Variants in PRKCH observed in about 807,000 individuals in gnomAD.
The protein encoded by PRKCH is protein kinase C eta type.
In PRKCH, 28 loss-of-function variants were observed where a neutral mutation model predicts 82.5. The observed-to-expected ratio is 0.34, with a 90% CI of 0.25 to 0.47. The LOEUF is 0.47. Ranked by LOEUF, PRKCH falls within the 20% of genes least tolerant of loss-of-function variation. The pLI is 1.00. For missense variants in PRKCH, 705 were observed against 881.8 expected (o/e 0.80, Z 2.54); for synonymous variants, 322 against 327.4 (o/e 0.98, Z 0.18).
chr14:61,453,334 G>A lies in PRKCH; in HGVS notation c.941G>A (p.Gly314Glu). Residue 314 changes from glycine to glutamate, a missense_variant, in exon 7 of 14, where the codon GGA (glycine) becomes GAA (glutamate). Transcript: ENST00000332981. Reference sequence around the variant, plus strand: ...CTGGCAGGGATGGGTCTCCAACCCGGAAATATTTCTCCAACCTCGGTGAGA... The same window carrying A: ...CTGGCAGGGATGGGTCTCCAACCCGAAAATATTTCTCCAACCTCGGTGAGA... Reference protein sequence around the residue: ...KTLAGMGLQPGNISPTSKLVS... With the variant: ...KTLAGMGLQPENISPTSKLVS... 6.2e-7 allele frequency: 1 copy of A among 1,613,256 alleles called. No homozygotes were observed. The highest frequency in any genetic ancestry group is 1.1e-5 in the South Asian group (1 of 90,922).
At chr14:61,247,875 G>A (rs1449522620) in intron 1 of PRKCH, among the ~76,000 whole-genome samples, 2 of 151,986 alleles carry the variant, frequency 1.3e-5, no homozygotes. Context: ...GAAGACAACA[G>A]TAGAGATCAT....
intron 10 of PRKCH, among the ~76,000 whole-genome samples, chr14:61,489,763 C>CT (rs1886380820): frequency 1.3e-5 from 2 of 152,182 alleles, no homozygotes; most frequent in African/African-American, 4.8e-5. Context: ...ATGGTGTTGA[C>CT]TTTTTTCCGG....
chr14:61,449,318 C>G, intron 5 of PRKCH, 66 bp downstream of exon 5: 4 of 1,332,968 alleles, frequency 3.0e-6, no homozygotes, highest in Non-Finnish European at 4.3e-6. Context: ...ACCGCCGTCT[C>G]TCTCCCTCCC....
chr14:61,276,986 C>G (rs1225237488), intron 1 of PRKCH, among the ~76,000 whole-genome samples: 2 of 152,024 alleles, frequency 1.3e-5, no homozygotes, highest in African/African-American at 2.4e-5. Flanking sequence ...AAGGTCAAGA[C>G]CAGCCTGACC....
At chr14:61,447,175 G>C (rs184174601) in intron 4 of PRKCH, among the ~76,000 whole-genome samples, 2 of 151,834 alleles carry the variant, frequency 1.3e-5, no homozygotes, top group African/African-American at 4.9e-5. Flanking sequence ...CAACAATAAA[G>C]GGGTCAGTTT....
chr14:61,330,129 C>CA lies in PRKCH; in HGVS notation c.363+7668dup, dbSNP rs574514047. Among the ~76,000 whole-genome samples, 17 of 152,198 alleles carry CA rather than the reference C, an allele frequency of 1.1e-4. No individual in the cohort carries two copies. The East Asian group carries it at 2.9e-3, about 26-fold the overall frequency. The stretch of plus-strand genomic sequence containing the variant: ...GGGGGAGGGAGATTGGGATAAAAAG[C>CA]AAACAAAAGCAACTAGGGAATTACA... On this transcript the variant is annotated intron_variant, in intron 1 of 13. Coordinates refer to ENST00000332981, the MANE Select transcript of PRKCH (RefSeq NM_006255.5).
chr14:61,473,241 G>C (rs1167769547), intron 9 of PRKCH, among the ~76,000 whole-genome samples: 1 of 152,188 alleles, frequency 6.6e-6, no homozygotes, highest in Non-Finnish European at 1.5e-5. Flanking sequence ...GGGGGTAGGG[G>C]GGTGGTGATG....
rs1422145790 is a variant in PRKCH at position 61,519,872 on chromosome 14, G to GT, written c.1434-9202dup. ...TAGTAGACATTAAGTAATTTCTGTGGTAAAAAAAAAAAAAAATGAGCTGAT... is the reference window on the plus strand; with the variant it reads ...TAGTAGACATTAAGTAATTTCTGTGGTTAAAAAAAAAAAAAAATGAGCTGAT... On this transcript the variant is annotated intron_variant, in intron 10 of 13. Coordinates refer to ENST00000332981, the MANE Select transcript of PRKCH (RefSeq NM_006255.5). Among the ~76,000 whole-genome samples, 79 of 138,478 alleles carry GT rather than the reference G, an allele frequency of 5.7e-4. 1 individual carries two copies. The highest frequency in any genetic ancestry group is 2.8e-4 in the Non-Finnish European group (18 of 64,274). 90.8% of individuals were successfully genotyped at this position (138,478 alleles called of 152,430 possible).
At chr14:61,241,464 C>T (rs1594869381) in intron 1 of PRKCH, among the ~76,000 whole-genome samples, 1 of 152,214 alleles carries the variant, frequency 6.6e-6, no homozygotes, top group Non-Finnish European at 1.5e-5. Flanking sequence ...TTTGCTCATG[C>T]CTTGGACTTT....
intron 12 of PRKCH, among the ~76,000 whole-genome samples, chr14:61,545,533 A>G (rs893511768): frequency 6.6e-6 from 1 of 152,060 alleles, no homozygotes; most frequent in African/African-American, 2.4e-5. Context: ...CAATTGAATC[A>G]AAGTTTGTTT....
At chr14:61,505,527 C>T (rs555179468) in intron 10 of PRKCH, among the ~76,000 whole-genome samples, 58 of 151,140 alleles carry the variant, frequency 3.8e-4, no homozygotes, top group Non-Finnish European at 7.5e-4. Context: ...AGGCATGTGC[C>T]ACCACGCCTG....
chr14:61,243,166 G>A (rs1246354977), intron 1 of PRKCH, among the ~76,000 whole-genome samples: 2 of 152,016 alleles, frequency 1.3e-5, no homozygotes, highest in South Asian at 2.1e-4. Context: ...AGGTCAAGGT[G>A]GGTGAATCAC....
chr14:61,539,026 C>T (rs2043147766), intron 12 of PRKCH, among the ~76,000 whole-genome samples: 1 of 152,160 alleles, frequency 6.6e-6, no homozygotes, highest in Non-Finnish European at 1.5e-5. Context: ...GCAGCTTTTT[C>T]TTAACACTTG....
intron 1 of PRKCH, among the ~76,000 whole-genome samples, chr14:61,324,417 T>A (rs1185380383): frequency 6.6e-6 from 1 of 152,218 alleles, no homozygotes; most frequent in Non-Finnish European, 1.5e-5. Flanking sequence ...ACCAGCAGTT[T>A]TTCATGCGTT....
chr14:61,199,978 C>T (rs2044468038), intron 1 of PRKCH, among the ~76,000 whole-genome samples: 1 of 152,120 alleles, frequency 6.6e-6, no homozygotes, highest in Non-Finnish European at 1.5e-5. Flanking sequence ...CAGAAATATT[C>T]CTTCCTCTTA....
intron 1 of PRKCH, among the ~76,000 whole-genome samples, chr14:61,299,186 T>C (rs1227820414): frequency 6.6e-6 from 1 of 152,130 alleles, no homozygotes; most frequent in Non-Finnish European, 1.5e-5. Context: ...CTGGTGGACA[T>C]GGGTACAGGG....
intron 10 of PRKCH, among the ~76,000 whole-genome samples, chr14:61,493,607 T>C (rs775404380): frequency 5.9e-5 from 9 of 152,200 alleles, no homozygotes; most frequent in Non-Finnish European, 1.2e-4. Context: ...ACTTGCAGTG[T>C]CAGACACAAA....
intron 10 of PRKCH, among the ~76,000 whole-genome samples, chr14:61,517,782 G>A (rs1230948469): frequency 6.6e-6 from 1 of 152,230 alleles, no homozygotes; most frequent in Admixed American, 6.5e-5. Context: ...GTTAAAGAGG[G>A]AATTGAGTTC....
intron 2 of PRKCH, among the ~76,000 whole-genome samples, chr14:61,423,514 G>C (rs1380071441): frequency 6.6e-6 from 1 of 152,230 alleles, no homozygotes; most frequent in Middle Eastern, 3.2e-3. Flanking sequence ...GTGGTCTGCA[G>C]ATACCTTTGG....
Sources: allele counts gnomAD v4.1 joint callset (sites outside exome capture counted in the v4.1 genomes callset), GRCh38; gene constraint gnomAD v4.1.1; transcripts MANE v1.5; gene names NCBI Gene and HGNC (gene_info 2026-07-23, HGNC 2026-07-21).